Variants in ARMH1 observed in about 807,000 individuals in gnomAD.
ARMH1 encodes armadillo-like helical domain containing protein 1.
Under a neutral mutation model 50.2 loss-of-function variants are expected in ARMH1, and 34 were observed. The observed-to-expected ratio is 0.68, with a 90% CI of 0.51 to 0.90. ARMH1 has a LOEUF of 0.90. Ranked by LOEUF, ARMH1 falls within the 40% of genes least tolerant of loss-of-function variation. The pLI, the probability that ARMH1 is intolerant of heterozygous loss-of-function variation, is 0.00. For synonymous variants in ARMH1, 221 were observed against 224.2 expected (o/e 0.99, Z 0.13); for missense variants, 538 against 553.9 (o/e 0.97, Z 0.29).
chr1:44,683,558 GAA>G lies in ARMH1; in HGVS notation c.-22-6115_-22-6114del, dbSNP rs995810123. Among the ~76,000 whole-genome samples the G allele has an allele frequency of 1.3e-5, 2 of 152,216 alleles. No homozygotes were observed. The highest frequency in any genetic ancestry group is 2.9e-5 in the Non-Finnish European group (2 of 68,044). ...TAGAACCAGGGGATTCTGGGGTTAG[GAA>G]AAGAGTCATTCACAATCCATCAGAG... On this transcript the variant is annotated intron_variant, in intron 1 of 11. Coordinates refer to ENST00000535358, the MANE Select transcript of ARMH1 (RefSeq NM_001145636.2). This position sits in a 1 kb window ranked among gnomAD's most constrained non-coding sequence, Gnocchi z 4.2.
Position 44,700,938 on chromosome 1 carries a change from C to T in ARMH1, c.458C>T (p.Ala153Val). The T allele has an allele frequency of 6.4e-7, 1 of 1,550,566 alleles. No individual in the cohort carries two copies. Among genetic ancestry groups the T allele is most frequent in the Non-Finnish European group, 8.7e-7 (1 of 1,146,546 alleles). The stretch of plus-strand genomic sequence containing the variant: ...CTTTGCTCAGGTGTACGATCCATAG[C>T]AGAATTTTTGGCAAAGTCTAAGTCA... ...ICESYGVRSI[A>V]EFLAKSKSEE... Residue 153 changes from alanine (A) to valine (V), a missense_variant, in exon 5 of 12, where the codon GCA becomes GTA. Ala to Val is a moderately conservative substitution (Grantham distance 64, BLOSUM62 0). Coordinates refer to ENST00000535358, the MANE Select transcript of ARMH1 (RefSeq NM_001145636.2).
At chr1:44,685,973 A>C (rs1486445841) in intron 1 of ARMH1, among the ~76,000 whole-genome samples, 1 of 152,162 alleles carries the variant, frequency 6.6e-6, no homozygotes, top group African/African-American at 2.4e-5. Flanking sequence ...CCAATCCAAC[A>C]TGTGGTCAAA....
rs558465742 is a variant in ARMH1 at position 44,716,874 on chromosome 1, G to A, written c.725-7248G>A. On this transcript the variant is annotated intron_variant, in intron 6 of 11. Coordinates refer to ENST00000535358, the MANE Select transcript of ARMH1 (RefSeq NM_001145636.2). ...TTCTTTTTTTTTTTTTTTTTGAGAC[G>A]GAGTCTCACTCTGTAACCTAGGCTG... Among the ~76,000 whole-genome samples, 13 of 145,788 alleles carry A rather than the reference G, an allele frequency of 8.9e-5. No homozygotes were observed. The East Asian group carries it at 9.9e-4, about 11-fold the overall frequency.
In ARMH1 at chr1:44,693,469, G is replaced by C. The variant is rs80255929; in HGVS notation, c.206+3566G>C. Among the ~76,000 whole-genome samples, 199 of 152,194 alleles carry C rather than the reference G, an allele frequency of 1.3e-3. 2 individuals carry two copies. Among genetic ancestry groups the C allele is most frequent in the Admixed American group, 3.8e-3 (58 of 15,272 alleles). On this transcript the variant is annotated intron_variant, in intron 2 of 11. Transcript: ENST00000535358. ...TTTGTTGTTGTTGTTGTCTGAGACAGAGTCTCACTCTCACTCTGTCACCCA... is the reference window on the plus strand; with the variant it reads ...TTTGTTGTTGTTGTTGTCTGAGACACAGTCTCACTCTCACTCTGTCACCCA...
chr1:44,684,839 T>C (rs964001031), intron 1 of ARMH1, among the ~76,000 whole-genome samples: 2 of 152,156 alleles, frequency 1.3e-5, no homozygotes, highest in African/African-American at 2.4e-5. Context: ...AGGGCAGGAA[T>C]GAGACATAGA....
At chr1:44,689,211 GC>G (rs1645575669) in intron 1 of ARMH1, 1 of 157,878 alleles carries the variant, frequency 6.3e-6, no homozygotes, top group Non-Finnish European at 1.4e-5. Flanking sequence ...ACAGGTGCCT[GC>G]CACCACGCCC....
Position 44,683,320 on chromosome 1 carries a change from C to A in ARMH1, c.-22-6356C>A, listed in dbSNP as rs1645371053. 6.6e-6 allele frequency among the ~76,000 whole-genome samples: 1 copy of A among 152,162 alleles called. No homozygotes were observed. Among genetic ancestry groups the A allele is most frequent in the Non-Finnish European group, 1.5e-5 (1 of 68,034 alleles). On this transcript the variant is annotated intron_variant, in intron 1 of 11. Coordinates refer to ENST00000535358, the MANE Select transcript of ARMH1 (RefSeq NM_001145636.2). This position sits in a 1 kb window ranked among gnomAD's most constrained non-coding sequence, Gnocchi z 4.2. Reference sequence around the variant, plus strand: ...ACATACCAGTGAAGAGTCTGCCGGTCACTTAAGTACATAAAGAGATCTGGA... The same window carrying A: ...ACATACCAGTGAAGAGTCTGCCGGTAACTTAAGTACATAAAGAGATCTGGA...
chr1:44,710,901 A>T (rs978146917), intron 6 of ARMH1, among the ~76,000 whole-genome samples: 1 of 152,160 alleles, frequency 6.6e-6, no homozygotes, highest in Admixed American at 6.5e-5. Flanking sequence ...TTCTGTCTCT[A>T]TGGATTTACC....
chr1:44,725,062 C>A, intron 10 of ARMH1, 74 bp from the exon 11 acceptor site: 1 of 1,544,804 alleles, frequency 6.5e-7, no homozygotes. Flanking sequence ...CCTGCAACAT[C>A]CCTCTGCCAA....
intron 6 of ARMH1, chr1:44,723,890 C>T: frequency 2.0e-6 from 1 of 510,508 alleles, no homozygotes. Flanking sequence ...CGCTGACATC[C>T]TAGGCCGCCT....
At chr1:44,693,728 T>TTA (rs1489588908) in intron 2 of ARMH1, among the ~76,000 whole-genome samples, 2 of 152,212 alleles carry the variant, frequency 1.3e-5, no homozygotes, top group African/African-American at 2.4e-5. Flanking sequence ...AGTGCTGGGA[T>TTA]TATAAGTGTG....
In ARMH1 at chr1:44,689,537, T is replaced by C. The variant is rs3795710; in HGVS notation, c.-22-139T>C. 33 of 664,012 alleles carry C rather than the reference T, an allele frequency of 5.0e-5. No homozygotes were observed. In the East Asian group the frequency reaches 9.1e-4, roughly 18 times the overall value. The allele number at this position is 664,012 out of a possible 1,614,324, so 41.1% of individuals were successfully genotyped here. ...CCTGTTCAAGCAGCAGGTGACCAGT[T>C]CTAGAGTATATTTTGCGCATAACTA... On this transcript the variant is annotated intron_variant, in intron 1 of 11. Transcript: ENST00000535358.
chr1:44,713,875 C>T (rs1258262873), intron 6 of ARMH1, among the ~76,000 whole-genome samples: 1 of 152,154 alleles, frequency 6.6e-6, no homozygotes, highest in African/African-American at 2.4e-5. Flanking sequence ...AAAAATACCA[C>T]CATAGCACAT....
At chr1:44,725,096 C>T (rs2148811593) in intron 10 of ARMH1, 40 bp from the exon 11 acceptor site, 4 of 1,551,328 alleles carry the variant, frequency 2.6e-6, no homozygotes, top group Non-Finnish European at 3.5e-6. Context: ...TCCAGACTGC[C>T]CTGGCACCCC....
intron 6 of ARMH1, among the ~76,000 whole-genome samples, chr1:44,712,329 G>A (rs1048377559): frequency 6.6e-6 from 1 of 152,070 alleles, no homozygotes; most frequent in Non-Finnish European, 1.5e-5. Context: ...TATGTGGCAG[G>A]AGCCTGTAAT....
intron 1 of ARMH1, among the ~76,000 whole-genome samples, chr1:44,678,796 G>GC (rs1284537132): frequency 7.1e-6 from 1 of 140,392 alleles, no homozygotes; most frequent in Non-Finnish European, 1.5e-5. Flanking sequence ...TGATTTGCCG[G>GC]GGGGGTGGGG....
Position 44,724,497 on chromosome 1 carries a change from G to C in ARMH1, c.921-42G>C, listed in dbSNP as rs1167375851. On this transcript the variant is annotated intron_variant, in intron 8 of 11. Transcript: ENST00000535358. This position sits in a 1 kb window ranked among gnomAD's most constrained non-coding sequence, Gnocchi z 6.4. ...CCGGGTGGGCGGGGGTGTGCGCCGG[G>C]TGAGCCCCAGGGCGTCGCCCCAGCC... 23 of 1,512,036 alleles carry C rather than the reference G, an allele frequency of 1.5e-5. No homozygotes were observed. The highest frequency in any genetic ancestry group is 1.9e-5 in the Non-Finnish European group (21 of 1,133,658). The allele number at this position is 1,512,036 out of a possible 1,614,324, so 93.7% of individuals were successfully genotyped here.
In ARMH1 at chr1:44,724,718, C is replaced by T. The variant is rs1178350188; in HGVS notation, c.1051-44C>T. The stretch of plus-strand genomic sequence containing the variant: ...GCGGGAAGGGCGGCGGCACCCGCAG[C>T]CCCGTCGCCCCCGCAGTCACGCCGC... On this transcript the variant is annotated intron_variant, in intron 9 of 11. Transcript: ENST00000535358. This position sits in a 1 kb window ranked among gnomAD's most constrained non-coding sequence, Gnocchi z 6.4. The T allele has an allele frequency of 6.7e-7, 1 of 1,492,178 alleles. No individual in the cohort carries two copies. The highest frequency in any genetic ancestry group is 2.4e-5 in the Admixed American group (1 of 42,200). 92.4% of individuals were successfully genotyped at this position (1,492,178 alleles called of 1,614,324 possible).
intron 6 of ARMH1, among the ~76,000 whole-genome samples, chr1:44,719,017 C>T (rs935995694): frequency 4.3e-5 from 5 of 116,774 alleles, no homozygotes; most frequent in Non-Finnish European, 8.1e-5. Flanking sequence ...AAGAGTGAAA[C>T]TGTCTCGGAA....
Sources: gnomAD v4.1 joint callset for allele counts (sites outside exome capture counted in the v4.1 genomes callset) on GRCh38, gnomAD v4.1.1 for gene constraint, Gnocchi (gnomAD v3.1) non-coding constraint, MANE v1.5 for transcripts, NCBI Gene and HGNC (gene_info 2026-07-23, HGNC 2026-07-21) for gene names.